ARMC3: variants seen among roughly 807,000 people sequenced by gnomAD.
ARMC3 encodes the protein armadillo repeat-containing protein 3.
In ARMC3, 74 loss-of-function variants were observed where a neutral mutation model predicts 90.3. The ratio of observed to expected loss-of-function variants is 0.82; its 90% CI spans 0.68 to 0.99. The LOEUF is 0.99. ARMC3 is among the 50% of genes least tolerant of loss of function. The pLI, the probability that ARMC3 is intolerant of heterozygous loss-of-function variation, is 0.00. For synonymous variants in ARMC3, 334 were observed against 361.8 expected, an observed-to-expected ratio of 0.92 and a Z score of 0.87; for missense variants, 958 against 1,042.8, an observed-to-expected ratio of 0.92 and a Z score of 1.12.
At chr10:22,949,096 A>T (rs1834644670) in intron 3 of ARMC3, among the ~76,000 whole-genome samples, 1 of 152,214 alleles carries the variant, frequency 6.6e-6, no homozygotes, top group Admixed American at 6.5e-5. Flanking sequence ...TTAGTCCTAG[A>T]TTGTGCACTG....
intron 8 of ARMC3, among the ~76,000 whole-genome samples, chr10:22,980,679 G>A (rs1182027328): frequency 6.6e-6 from 1 of 152,174 alleles, no homozygotes; most frequent in East Asian, 1.9e-4. Flanking sequence ...AAATACTTTG[G>A]TTTCAAAGTT....
At chr10:22,967,850 G>T (rs1016213214) in intron 7 of ARMC3, among the ~76,000 whole-genome samples, 1 of 152,106 alleles carries the variant, frequency 6.6e-6, no homozygotes, top group African/African-American at 2.4e-5. Context: ...AGGTAAAACC[G>T]CAGTTTTCCA....
Position 22,981,665 on chromosome 10 carries a change from G to A in ARMC3, c.1140G>A (p.Leu380=), listed in dbSNP as rs755433005. ...TACGGGAAGCAGCAGCTCTAGCCCT[G>A]GCAAACCTAACCACTTGCAACCCTG... The part of the protein sequence containing the change: ...EEVREAAALA[L]ANLTTCNPAN... Residue 380 remains leucine (L), a synonymous_variant, in exon 10 of 19, where the codon CTG becomes CTA. Coordinates refer to ENST00000298032, the MANE Select transcript of ARMC3 (RefSeq NM_173081.5). 2.8e-5 allele frequency: 45 copies of A among 1,614,006 alleles called. No homozygotes were observed. In the Middle Eastern group the frequency reaches 6.6e-4, roughly 24 times the overall value.
At chr10:22,988,310 C>G (rs1162549796) in intron 10 of ARMC3, among the ~76,000 whole-genome samples, 1 of 152,168 alleles carries the variant, frequency 6.6e-6, no homozygotes, top group African/African-American at 2.4e-5. Context: ...AATACTTCAT[C>G]TAGTGCTTCA....
intron 16 of ARMC3, among the ~76,000 whole-genome samples, chr10:23,026,025 G>A (rs763022050): frequency 1.3e-5 from 2 of 151,922 alleles, no homozygotes; most frequent in African/African-American, 2.4e-5. Flanking sequence ...CAAACTACCC[G>A]ATCTCACCAA....
At chr10:22,950,516 G>T (rs530912921) in intron 3 of ARMC3, among the ~76,000 whole-genome samples, 1 of 151,736 alleles carries the variant, frequency 6.6e-6, no homozygotes, top group African/African-American at 2.4e-5. Flanking sequence ...GAAATAAAAT[G>T]GAATCAGTAA....
chr10:22,980,284 T>C (rs957144600), intron 8 of ARMC3, among the ~76,000 whole-genome samples: 1 of 152,136 alleles, frequency 6.6e-6, no homozygotes, highest in Non-Finnish European at 1.5e-5. Flanking sequence ...ATCACAAAAA[T>C]AGAATTTATA....
intron 8 of ARMC3, among the ~76,000 whole-genome samples, chr10:22,968,812 A>G (rs1835557555): frequency 6.6e-6 from 1 of 152,180 alleles, no homozygotes; most frequent in Non-Finnish European, 1.5e-5. Flanking sequence ...TATAAACAAA[A>G]CATATATAAT....
intron 10 of ARMC3, among the ~76,000 whole-genome samples, chr10:22,994,298 G>GC (rs1836854126): frequency 6.6e-6 from 1 of 152,120 alleles, no homozygotes; most frequent in African/African-American, 2.4e-5. Context: ...TGCAAGAGAA[G>GC]CTTAGAGCAC....
At chr10:22,986,478 G>A (rs1241235402) in intron 10 of ARMC3, among the ~76,000 whole-genome samples, 1 of 149,778 alleles carries the variant, frequency 6.7e-6, no homozygotes, top group East Asian at 2.0e-4. Flanking sequence ...CTTGAACCCT[G>A]TAGGCAGAGG....
intron 10 of ARMC3, among the ~76,000 whole-genome samples, chr10:22,994,605 C>A (rs541747042): frequency 6.6e-5 from 10 of 152,114 alleles, no homozygotes; most frequent in Admixed American, 2.0e-4. Context: ...CAATGGGAAA[C>A]CGTGAAAGTT....
At chr10:22,940,471 T>C (rs73600574) in intron 2 of ARMC3, among the ~76,000 whole-genome samples, 5,526 of 152,306 alleles carry the variant, frequency 0.036, 315 homozygotes, top group African/African-American at 0.12. Flanking sequence ...GTAGAACTAC[T>C]TTGGAAAAAT....
At chr10:22,970,492 C>A (rs1835634201) in intron 8 of ARMC3, among the ~76,000 whole-genome samples, 3 of 152,158 alleles carry the variant, frequency 2.0e-5, no homozygotes. Context: ...TGAAGTTACT[C>A]AGAAGGGAGG....
rs116710410 is a variant in ARMC3, at chr10:23,030,457, G to T, written c.2046-139G>T. 1,269 of 1,409,496 alleles carry T rather than the reference G, an allele frequency of 9.0e-4. 5 individuals are homozygous for T. In the African/African-American group the frequency reaches 0.017, roughly 19 times the overall value. 87.3% of individuals were successfully genotyped at this position (1,409,496 alleles called of 1,614,324 possible). On this transcript the variant is annotated intron_variant, in intron 16 of 18. Coordinates refer to ENST00000298032, the MANE Select transcript of ARMC3 (RefSeq NM_173081.5). Reference sequence around the variant, plus strand: ...CTGAAAAAAAATCCACATATAAGTGGATCCACACAGTTCAATCTCATGTTG... The same window carrying T: ...CTGAAAAAAAATCCACATATAAGTGTATCCACACAGTTCAATCTCATGTTG...
chr10:22,963,432 A>C (rs1835290529), intron 7 of ARMC3, among the ~76,000 whole-genome samples: 1 of 152,168 alleles, frequency 6.6e-6, no homozygotes, highest in Admixed American at 6.5e-5. Flanking sequence ...AAAAATTCAA[A>C]GAACACAAAA....
intron 16 of ARMC3, among the ~76,000 whole-genome samples, chr10:23,014,888 A>T (rs530424701): frequency 6.9e-6 from 1 of 144,226 alleles, no homozygotes; most frequent in Admixed American, 6.9e-5. Flanking sequence ...GATAATCTGT[A>T]CAAAAAAAAA....
At chr10:22,946,610 A>G (rs1834537294) in intron 3 of ARMC3, 1 of 175,566 alleles carries the variant, frequency 5.7e-6, no homozygotes, top group Admixed American at 6.1e-5. Flanking sequence ...AGTGGAAAAT[A>G]AGTATCCATG....
At chr10:23,028,970 T>G (rs536479212) in intron 16 of ARMC3, among the ~76,000 whole-genome samples, 1 of 152,188 alleles carries the variant, frequency 6.6e-6, no homozygotes. Context: ...TTATTTACCT[T>G]GATCTACTGC....
chr10:22,981,170 A>G (rs918664516), intron 8 of ARMC3, among the ~76,000 whole-genome samples, 170 bp from the exon 9 acceptor site: 12 of 152,260 alleles, frequency 7.9e-5, no homozygotes, highest in African/African-American at 2.7e-4. Context: ...TTCATTTTGC[A>G]TAATTACTGT....
Sources: allele counts gnomAD v4.1 joint callset (sites outside exome capture counted in the v4.1 genomes callset), GRCh38; gene constraint gnomAD v4.1.1; transcripts MANE v1.5; gene names NCBI Gene and HGNC (gene_info 2026-07-23, HGNC 2026-07-21).